STPG2: variants seen among roughly 807,000 people sequenced by gnomAD.
The protein encoded by STPG2 is sperm-tail PG-rich repeat-containing protein 2.
In STPG2, 56 loss-of-function variants were observed where a neutral mutation model predicts 54.2. That is an observed-to-expected ratio of 1.03 (90% CI 0.83 to 1.29). The LOEUF (loss-of-function observed/expected upper bound fraction) is 1.29, where lower values mean the gene tolerates loss of function less well. STPG2 is among the 50% of genes most tolerant of loss of function. The pLI, the probability that STPG2 is intolerant of heterozygous loss-of-function variation, is 0.00. For missense variants in STPG2, 596 were observed against 544.9 expected, an observed-to-expected ratio of 1.09 and a Z score of -0.93; for synonymous variants, 200 against 181.8, an observed-to-expected ratio of 1.10 and a Z score of -0.81.
intron 8 of STPG2, among the ~76,000 whole-genome samples, chr4:97,863,932 T>G (rs1052772441): frequency 6.6e-6 from 1 of 152,184 alleles, no homozygotes; most frequent in Non-Finnish European, 1.5e-5. Context: ...AAATTAGGTA[T>G]TGATGGGATG....
chr4:97,575,185 C>T (rs1732694201), intron 10 of STPG2, among the ~76,000 whole-genome samples: 3 of 151,918 alleles, frequency 2.0e-5, no homozygotes, highest in Admixed American at 6.6e-5. Context: ...ACCAGATAGA[C>T]TCAGAACCCA....
At chr4:97,576,778 AG>A (rs1255040422) in intron 10 of STPG2, among the ~76,000 whole-genome samples, 77 of 152,178 alleles carry the variant, frequency 5.1e-4, no homozygotes, top group African/African-American at 1.8e-3. Flanking sequence ...GATTCTGCAC[AG>A]TAAAACAGAC....
At chr4:97,759,068 T>G (rs776116473) in intron 9 of STPG2, among the ~76,000 whole-genome samples, 1 of 152,150 alleles carries the variant, frequency 6.6e-6, no homozygotes, top group Admixed American at 6.6e-5. Flanking sequence ...ATTCAAGTTA[T>G]TACAGAGATG....
chr4:98,137,054 C>T (rs989244195), intron 1 of STPG2, among the ~76,000 whole-genome samples: 54 of 151,548 alleles, frequency 3.6e-4, no homozygotes, highest in African/African-American at 1.2e-3. Flanking sequence ...AGTTAAAAGG[C>T]GGAGATTGTC....
chr4:97,859,721 C>T (rs924629591), intron 8 of STPG2, among the ~76,000 whole-genome samples: 1 of 152,166 alleles, frequency 6.6e-6, no homozygotes, highest in Non-Finnish European at 1.5e-5. Context: ...CTTGGCCTCC[C>T]AAAGTGCTGG....
chr4:97,689,732 T>G (rs1195551415), intron 10 of STPG2, among the ~76,000 whole-genome samples: 3 of 152,136 alleles, frequency 2.0e-5, no homozygotes, highest in Admixed American at 2.0e-4. Context: ...CATATTTAGT[T>G]TTTAATCATT....
chr4:97,927,238 T>C (rs905167247), intron 8 of STPG2, among the ~76,000 whole-genome samples: 14 of 152,242 alleles, frequency 9.2e-5, no homozygotes, highest in Non-Finnish European at 1.5e-4. Context: ...TGATAAGTGA[T>C]ACAAAGGTAG....
At chr4:97,855,298 T>A (rs969978889) in intron 8 of STPG2, among the ~76,000 whole-genome samples, 3 of 152,192 alleles carry the variant, frequency 2.0e-5, no homozygotes, top group Non-Finnish European at 4.4e-5. Flanking sequence ...CTGAGTCAAA[T>A]GGTATTTCTG....
At chr4:97,629,391 A>G (rs1482717731) in intron 10 of STPG2, among the ~76,000 whole-genome samples, 1 of 152,066 alleles carries the variant, frequency 6.6e-6, no homozygotes, top group East Asian at 1.9e-4. Flanking sequence ...GATTAAACAG[A>G]CACATATGTG....
intron 10 of STPG2, among the ~76,000 whole-genome samples, chr4:97,671,446 A>G (rs900539336): frequency 5.9e-5 from 9 of 152,222 alleles, no homozygotes; most frequent in African/African-American, 2.2e-4. Flanking sequence ...AGTGCTTCCC[A>G]GCAATAAAAC....
intron 1 of STPG2, among the ~76,000 whole-genome samples, chr4:98,139,686 G>A (rs945332541): frequency 5.9e-5 from 9 of 152,086 alleles, no homozygotes; most frequent in Non-Finnish European, 1.3e-4. Context: ...AAAACAAAAT[G>A]TATAGGATGC....
At chr4:97,526,419 G>A (rs1731281168) in intron 4 of STPG2, among the ~76,000 whole-genome samples, 2 of 152,050 alleles carry the variant, frequency 1.3e-5, no homozygotes, top group South Asian at 2.1e-4. Flanking sequence ...GTTTCTGTCA[G>A]GACTACTATA....
chr4:97,874,578 G>T (rs1399506512), intron 8 of STPG2, among the ~76,000 whole-genome samples: 1 of 151,594 alleles, frequency 6.6e-6, no homozygotes, highest in African/African-American at 2.4e-5. Flanking sequence ...ATATAAGTTT[G>T]CATTTTCTAG....
intron 5 of STPG2, among the ~76,000 whole-genome samples, chr4:98,060,699 C>T (rs10010942): frequency 0.39 from 59,935 of 151,942 alleles, 12,058 homozygotes; most frequent in Middle Eastern, 0.46. Flanking sequence ...AACAGCATGG[C>T]ACTGGTACAA....
chr4:97,697,427 G>T (rs567799223), intron 10 of STPG2, among the ~76,000 whole-genome samples: 1 of 152,318 alleles, frequency 6.6e-6, no homozygotes, highest in Admixed American at 6.5e-5. Context: ...TGGCTTAGCA[G>T]CTAGTAACCC....
chr4:97,782,193 A>G (rs1726652278), intron 9 of STPG2, among the ~76,000 whole-genome samples: 1 of 152,216 alleles, frequency 6.6e-6, no homozygotes, highest in South Asian at 2.1e-4. Context: ...CCATCATCTC[A>G]GCCCAAAATC....
At chr4:97,776,269 T>C (rs1230621850) in intron 9 of STPG2, among the ~76,000 whole-genome samples, 1 of 152,162 alleles carries the variant, frequency 6.6e-6, no homozygotes, top group Non-Finnish European at 1.5e-5. Flanking sequence ...GCACTAATAG[T>C]ATCATGAAAT....
intron 5 of STPG2, among the ~76,000 whole-genome samples, chr4:98,077,184 T>C (rs976092862): frequency 1.5e-4 from 23 of 152,148 alleles, no homozygotes; most frequent in Middle Eastern, 3.2e-3. Context: ...TAAGAAACAC[T>C]AGATGTAATC....
intron 9 of STPG2, among the ~76,000 whole-genome samples, chr4:97,752,707 G>T (rs146368982): frequency 3.1e-4 from 47 of 151,926 alleles, no homozygotes; most frequent in Non-Finnish European, 5.2e-4. Context: ...CTGGAATATA[G>T]TATGCTAATT....
Sources: allele counts gnomAD v4.1 joint callset (sites outside exome capture counted in the v4.1 genomes callset), GRCh38; gene constraint gnomAD v4.1.1; transcripts MANE v1.5; gene names NCBI Gene and HGNC (gene_info 2026-07-23, HGNC 2026-07-21).